Variants in SAMD5 observed in about 807,000 individuals in gnomAD.
SAMD5 encodes sterile alpha motif domain-containing protein 5.
SAMD5 carries 13 observed loss-of-function variants against 11.3 expected under a neutral mutation model. That is an observed-to-expected ratio of 1.15 (90% CI 0.75 to 1.83). The LOEUF (loss-of-function observed/expected upper bound fraction) is 1.83. Ranked by LOEUF, SAMD5 falls within the 40% of genes most tolerant of loss-of-function variation. The probability of loss-of-function intolerance (pLI) is 0.00; values close to 1 mark genes in which losing one functional copy is unlikely to be tolerated. For synonymous variants in SAMD5, 129 were observed against 111.3 expected, an observed-to-expected ratio of 1.16 and a Z score of -1.00; for missense variants, 255 against 239.1, an observed-to-expected ratio of 1.07 and a Z score of -0.44.
At chr6:147,927,596 A>G in the SAMD5 span, among the ~76,000 whole-genome samples, 4 of 152,160 alleles carry the variant, frequency 2.6e-5, no homozygotes, top group African/African-American at 9.7e-5. Flanking sequence ...ATATTGAATC[A>G]CGTAGATATC....
intron 1 of SAMD5, among the ~76,000 whole-genome samples, chr6:147,614,981 A>C (rs978464374): frequency 6.6e-6 from 1 of 152,020 alleles, no homozygotes; most frequent in Non-Finnish European, 1.5e-5. Flanking sequence ...ATCTATGTTT[A>C]GATTATTAAA....
Position 147,517,088 on chromosome 6 carries a change from C to A in SAMD5, c.459+7701C>A, listed in dbSNP as rs1300623679. On this transcript the variant is annotated intron_variant, in intron 1 of 1. Coordinates refer to ENST00000367474, the MANE Select transcript of SAMD5 (RefSeq NM_001030060.3). ...ATTTTTTGTCAGGTTTATTTTCCACCTTCTGACATGCAAAGTAAGTCTAAA... is the reference window on the plus strand; with the variant it reads ...ATTTTTTGTCAGGTTTATTTTCCACATTCTGACATGCAAAGTAAGTCTAAA... Among the ~76,000 whole-genome samples, 4 of 152,120 alleles carry A rather than the reference C, an allele frequency of 2.6e-5. No individual in the cohort carries two copies. The East Asian group carries it at 7.7e-4, about 29-fold the overall frequency.
At chr6:147,543,663 G>C (rs1301368950) in intron 1 of SAMD5, among the ~76,000 whole-genome samples, 1 of 152,200 alleles carries the variant, frequency 6.6e-6, no homozygotes, top group Non-Finnish European at 1.5e-5. Flanking sequence ...CTCTAAGGAT[G>C]AACTTACAGT....
At chr6:147,800,289 A>G in the SAMD5 span, among the ~76,000 whole-genome samples, 1 of 152,142 alleles carries the variant, frequency 6.6e-6, no homozygotes, top group African/African-American at 2.4e-5. Context: ...CTTCTAACAG[A>G]CAGGACCCTC....
intron 1 of SAMD5, among the ~76,000 whole-genome samples, chr6:147,552,423 A>G (rs1788789128): frequency 6.6e-6 from 1 of 152,198 alleles, no homozygotes; most frequent in African/African-American, 2.4e-5. Context: ...TTCTTTAAGA[A>G]TCCAATTTCC....
At chr6:147,849,417 C>G in the SAMD5 span, among the ~76,000 whole-genome samples, 1 of 151,688 alleles carries the variant, frequency 6.6e-6, no homozygotes, top group South Asian at 2.1e-4. Context: ...CAGTTTTTTT[C>G]TTCTGCTTCT....
At chr6:147,732,702 T>G (rs1162227295) in intron 1 of SAMD5, among the ~76,000 whole-genome samples, 1 of 152,188 alleles carries the variant, frequency 6.6e-6, no homozygotes, top group Non-Finnish European at 1.5e-5. Flanking sequence ...AGGGTATTTG[T>G]TTTTGGAATC....
chr6:147,896,738 CAAAAAAA>C, the SAMD5 span, among the ~76,000 whole-genome samples: 120 of 55,324 alleles, frequency 2.2e-3, no homozygotes, highest in African/African-American at 6.4e-3. Context: ...GAACATTAAC[CAAAAAAA>C]AAAAAAAAAA....
At chr6:147,702,239 A>G (rs1190605450) in intron 1 of SAMD5, among the ~76,000 whole-genome samples, 1 of 152,186 alleles carries the variant, frequency 6.6e-6, no homozygotes, top group Non-Finnish European at 1.5e-5. Context: ...CGCCCCCATG[A>G]TTCAGTTACC....
chr6:147,886,022 G>T, the SAMD5 span, among the ~76,000 whole-genome samples: 1 of 152,096 alleles, frequency 6.6e-6, no homozygotes, highest in Admixed American at 6.6e-5. Flanking sequence ...CCATAAAATA[G>T]AAAGAAAGCT....
chr6:147,576,284 G>A (rs964019675), intron 1 of SAMD5, among the ~76,000 whole-genome samples: 71 of 152,108 alleles, frequency 4.7e-4, no homozygotes, highest in African/African-American at 1.7e-3. Flanking sequence ...GGGATTACAG[G>A]CGTGCACCAC....
chr6:147,553,654 C>T (rs930245019), intron 1 of SAMD5, among the ~76,000 whole-genome samples: 2 of 152,142 alleles, frequency 1.3e-5, no homozygotes, highest in Non-Finnish European at 2.9e-5. Context: ...GGTAAGGTCT[C>T]CAATGCATAA....
At chr6:147,947,043 G>T in the SAMD5 span, among the ~76,000 whole-genome samples, 1 of 151,274 alleles carries the variant, frequency 6.6e-6, no homozygotes, top group South Asian at 2.1e-4. Context: ...TTGAGGTCTC[G>T]TTTACGGGGC....
chr6:147,705,149 A>G (rs1791308445), intron 1 of SAMD5, among the ~76,000 whole-genome samples: 1 of 152,182 alleles, frequency 6.6e-6, no homozygotes, highest in Non-Finnish European at 1.5e-5. Flanking sequence ...TGTCTAATGA[A>G]ATATATTTTA....
chr6:147,755,689 A>G, the SAMD5 span, among the ~76,000 whole-genome samples: 1 of 152,106 alleles, frequency 6.6e-6, no homozygotes, highest in Admixed American at 6.6e-5. Flanking sequence ...TGGGGAATAT[A>G]ACTTAACCTA....
chr6:147,544,443 A>G (rs1010317810), intron 1 of SAMD5, among the ~76,000 whole-genome samples: 6 of 152,252 alleles, frequency 3.9e-5, no homozygotes, highest in African/African-American at 1.4e-4. Context: ...TTAAACTTAT[A>G]TAGAAAGTTA....
the SAMD5 span, among the ~76,000 whole-genome samples, chr6:147,755,462 T>C: frequency 6.6e-6 from 1 of 152,142 alleles, no homozygotes; most frequent in African/African-American, 2.4e-5. Context: ...GGTACTCATA[T>C]TGATGTGTCT....
chr6:147,779,647 G>A, the SAMD5 span, among the ~76,000 whole-genome samples: 6 of 152,146 alleles, frequency 3.9e-5, no homozygotes, highest in South Asian at 2.1e-4. Flanking sequence ...AGGCATAGAC[G>A]CTCACTAAAT....
chr6:147,554,249 G>A (rs1018565544), intron 1 of SAMD5, among the ~76,000 whole-genome samples: 6 of 152,216 alleles, frequency 3.9e-5, no homozygotes, highest in Non-Finnish European at 8.8e-5. Flanking sequence ...ATTACCTTCC[G>A]CTGGGTCCCT....
Sources: gnomAD v4.1 joint callset for allele counts (sites outside exome capture counted in the v4.1 genomes callset) on GRCh38, gnomAD v4.1.1 for gene constraint, MANE v1.5 for transcripts, NCBI Gene and HGNC (gene_info 2026-07-23, HGNC 2026-07-21) for gene names.